Variants in UGT1A8 observed in about 807,000 individuals in gnomAD.
UGT1A8 encodes UDP glucuronosyltransferase family 1 member A8.
A neutral mutation model predicts 45.3 loss-of-function variants in UGT1A8; 39 were observed. That is an observed-to-expected ratio of 0.86 (90% CI 0.67 to 1.12). The LOEUF (loss-of-function observed/expected upper bound fraction) is 1.12. UGT1A8 is among the 50% of genes most tolerant of loss of function. The pLI is 0.00. For synonymous variants in UGT1A8, 275 were observed against 249.2 expected, an observed-to-expected ratio of 1.10 and a Z score of -0.97; for missense variants, 719 against 664.9, an observed-to-expected ratio of 1.08 and a Z score of -0.90.
chr2:233,621,675 C>A (rs2073009539), intron 1 of UGT1A8, among the ~76,000 whole-genome samples: 1 of 152,128 alleles, frequency 6.6e-6, no homozygotes, highest in South Asian at 2.1e-4. Flanking sequence ...TGAACTGATT[C>A]ATCTATCCCT....
rs1369238146 is a variant in UGT1A8, at chr2:233,713,189, T to C, written c.856-53845T>C. 3 of 1,614,214 alleles carry C rather than the reference T, an allele frequency of 1.9e-6. No individual in the cohort carries two copies. The East Asian group carries it at 6.7e-5, about 36-fold the overall frequency. On this transcript the variant is annotated intron_variant, in intron 1 of 4. Coordinates refer to ENST00000373450, the MANE Select transcript of UGT1A8 (RefSeq NM_019076.5). ...TGGTGGTCCTCACCCTGGAGGTGAA[T>C]ATGTACATCAAAGAAGAGAACTTTT...
intron 1 of UGT1A8, among the ~76,000 whole-genome samples, chr2:233,662,383 A>C (rs2073991223): frequency 1.3e-5 from 2 of 152,138 alleles, no homozygotes; most frequent in South Asian, 4.1e-4. Context: ...ACATTTTCTA[A>C]TATATTTATT....
intron 1 of UGT1A8, chr2:233,672,505 C>T (rs764431739): frequency 3.1e-6 from 5 of 1,613,878 alleles, no homozygotes; most frequent in Non-Finnish European, 4.2e-6. Context: ...TTCCTATGTC[C>T]CCAGAATTCT....
At chr2:233,770,978 T>C (rs1192605361) in intron 4 of UGT1A8, 1 of 152,076 alleles carries the variant, frequency 6.6e-6, no homozygotes, top group Non-Finnish European at 1.5e-5. Flanking sequence ...CAGAAGGCAA[T>C]GCGGGAGCTT....
intron 1 of UGT1A8, among the ~76,000 whole-genome samples, chr2:233,715,228 A>G (rs554493874): frequency 2.6e-5 from 4 of 152,214 alleles, no homozygotes; most frequent in East Asian, 1.9e-4. Context: ...AATCTGCCCA[A>G]TTCTGTGAAG....
Position 233,729,835 on chromosome 2 carries a change from G to A in UGT1A8, c.856-37199G>A, listed in dbSNP as rs530955113. On this transcript the variant is annotated intron_variant, in intron 1 of 4. Coordinates refer to ENST00000373450, the MANE Select transcript of UGT1A8 (RefSeq NM_019076.5). Reference sequence around the variant, plus strand: ...TGCTCCTTATGCAAGCCTTGCCTCTGAGCTTTTTCAGAGAGAGGTGTCAGT... The same window carrying A: ...TGCTCCTTATGCAAGCCTTGCCTCTAAGCTTTTTCAGAGAGAGGTGTCAGT... 4.0e-5 allele frequency: 65 copies of A among 1,613,870 alleles called. 1 individual carries two copies. In the South Asian group the frequency reaches 7.0e-4, roughly 17 times the overall value.
At chr2:233,627,674 TTCC>T (rs2073112937) in intron 1 of UGT1A8, among the ~76,000 whole-genome samples, 1 of 150,476 alleles carries the variant, frequency 6.6e-6, no homozygotes, top group Admixed American at 6.7e-5. Context: ...CCTTCCTTCC[TTCC>T]TTCTTTCTTT....
At chr2:233,637,568 T>C (rs1421875012) in intron 1 of UGT1A8, among the ~76,000 whole-genome samples, 2 of 152,248 alleles carry the variant, frequency 1.3e-5, no homozygotes, top group South Asian at 2.1e-4. Context: ...TTCTTGAAAG[T>C]ATATGTAATA....
intron 1 of UGT1A8, among the ~76,000 whole-genome samples, chr2:233,645,249 A>C (rs766279100): frequency 2.0e-5 from 3 of 152,090 alleles, no homozygotes; most frequent in African/African-American, 7.2e-5. Flanking sequence ...CCATGATTCA[A>C]TTTTCCCACC....
At chr2:233,729,111 C>T (rs773243405) in intron 1 of UGT1A8, 49 of 1,612,868 alleles carry the variant, frequency 3.0e-5, no homozygotes, top group Non-Finnish European at 4.0e-5. Flanking sequence ...GTCAGCTGTC[C>T]GTGTCTTCTG....
chr2:233,672,690 G>T (rs17863776), intron 1 of UGT1A8: 52 of 1,613,782 alleles, frequency 3.2e-5, no homozygotes, highest in Non-Finnish European at 4.4e-5. Flanking sequence ...CAATTTGGTT[G>T]TTGCGAACGG....
intron 1 of UGT1A8, among the ~76,000 whole-genome samples, chr2:233,643,763 G>A (rs1010875954): frequency 2.0e-5 from 3 of 152,232 alleles, no homozygotes; most frequent in Middle Eastern, 3.4e-3. Flanking sequence ...GTTAGCAGGC[G>A]ATGAACGCTG....
rs147191221 is a variant in UGT1A8 at position 233,618,538 on chromosome 2, C to A, written c.831C>A (p.Cys277Ter). ...PNMIFIGGIN[C>*]HQGKPLPMEF... Reference sequence around the variant, plus strand: ...TGATCTTCATTGGTGGTATCAACTGCCATCAGGGAAAGCCATTGCCTATGG... The same window carrying A: ...TGATCTTCATTGGTGGTATCAACTGACATCAGGGAAAGCCATTGCCTATGG... The change falls in exon 1 of 5, where the codon TGC becomes TGA. Residue 277 changes from cysteine (C) to a stop codon, truncating the protein, a stop_gained. Transcript: ENST00000373450. LOFTEE classifies it high-confidence loss of function. 3 of 1,613,718 alleles carry A rather than the reference C, an allele frequency of 1.9e-6. No homozygotes were observed. The highest frequency in any genetic ancestry group is 2.5e-6 in the Non-Finnish European group (3 of 1,179,726).
In UGT1A8 at chr2:233,618,706, A is replaced by G. The variant is rs45502796; in HGVS notation, c.855+144A>G. 54 of 1,469,726 alleles carry G rather than the reference A, an allele frequency of 3.7e-5. No individual in the cohort carries two copies. In the Admixed American group the frequency reaches 6.7e-4, roughly 18 times the overall value. The allele number at this position is 1,469,726 out of a possible 1,614,324, so 91.0% of individuals were successfully genotyped here. A position where few individuals can be genotyped will look rare whatever the true frequency, so the allele number is the denominator to read the frequency against. The stretch of plus-strand genomic sequence containing the variant: ...TTAACAGATTATTTTGTGCCAATTT[A>G]TGTACTCATCAGTTATCAAATTTTA... On this transcript the variant is annotated intron_variant, in intron 1 of 4. Transcript: ENST00000373450.
At chr2:233,681,183 T>C (rs1209270478) in intron 1 of UGT1A8, among the ~76,000 whole-genome samples, 1 of 151,944 alleles carries the variant, frequency 6.6e-6, no homozygotes, top group African/African-American at 2.4e-5. Flanking sequence ...CCTTGCTCTC[T>C]TTCCGTCGAA....
At chr2:233,760,280 A>G (rs1365658904) in intron 1 of UGT1A8, 1 of 1,612,818 alleles carries the variant, frequency 6.2e-7, no homozygotes, top group Non-Finnish European at 8.5e-7. Flanking sequence ...GGCAGGAGCA[A>G]AGGCGCCATG....
Position 233,644,764 on chromosome 2 carries a change from T to G in UGT1A8, c.855+26202T>G, listed in dbSNP as rs76633216. Among the ~76,000 whole-genome samples the G allele has an allele frequency of 1.5e-3, 223 of 152,170 alleles. 1 individual carries two copies. Among genetic ancestry groups the G allele is most frequent in the Middle Eastern group, 3.4e-3 (1 of 294 alleles). On this transcript the variant is annotated intron_variant, in intron 1 of 4. Coordinates refer to ENST00000373450, the MANE Select transcript of UGT1A8 (RefSeq NM_019076.5). ...TCAGGGGGTTGGGTGACATAGGAGA[T>G]GCAGAACTTTTTTTTTTCTATTTCT...
intron 1 of UGT1A8, among the ~76,000 whole-genome samples, chr2:233,734,104 A>T (rs1173344990): frequency 6.6e-6 from 1 of 151,308 alleles, no homozygotes; most frequent in African/African-American, 2.4e-5. Context: ...CTTAAAGTAT[A>T]ATAATAATAA....
chr2:233,723,002 G>A (rs1315511515), intron 1 of UGT1A8, among the ~76,000 whole-genome samples: 4 of 146,840 alleles, frequency 2.7e-5, no homozygotes, highest in Non-Finnish European at 4.5e-5. Context: ...GGCAGAGGCA[G>A]AAGAGGATGA....
Sources: allele counts gnomAD v4.1 joint callset (sites outside exome capture counted in the v4.1 genomes callset), GRCh38; gene constraint gnomAD v4.1.1; transcripts MANE v1.5; gene names NCBI Gene and HGNC (gene_info 2026-07-23, HGNC 2026-07-21).